Variants in FANCB observed in about 807,000 individuals in gnomAD.
FANCB encodes the protein FA complementation group B, also known as Fanconi anemia group B protein.
FANCB carries 5 observed loss-of-function variants against 38.9 expected under a neutral mutation model. The observed-to-expected ratio is 0.13, with a 90% CI of 0.07 to 0.27. The LOEUF is 0.27. FANCB is among the 10% of genes least tolerant of loss of function. The pLI is 1.00. For synonymous variants in FANCB, 236 were observed against 215.4 expected (o/e 1.10, Z -0.84); for missense variants, 573 against 602.7 (o/e 0.95, Z 0.52).
chrX:14,734,960 C>T, the FANCB span, among the ~76,000 whole-genome samples: 1 of 107,430 alleles, frequency 9.3e-6, no homozygotes, highest in African/African-American at 3.4e-5. Flanking sequence ...CTTTTTGACA[C>T]CCTTTATTTC....
At chrX:14,811,547 A>G in the FANCB span, among the ~76,000 whole-genome samples, 1 of 111,397 alleles carries the variant, frequency 9.0e-6, no homozygotes, top group African/African-American at 3.3e-5. Context: ...CTTTAAACCA[A>G]CAAAGATCAA....
chrX:14,723,366 T>TA, the FANCB span, among the ~76,000 whole-genome samples: 1 of 112,173 alleles, frequency 8.9e-6, no homozygotes, highest in Non-Finnish European at 1.9e-5. Context: ...GCTCTCTACC[T>TA]ATACCACCAC....
intron 9 of FANCB, 145 bp downstream of exon 9, chrX:14,844,358 G>A (rs981316798): frequency 3.0e-5 from 15 of 500,257 alleles, no homozygotes; most frequent in African/African-American, 7.2e-5. Context: ...AAATGAAGCC[G>A]ATGCGTTCAT....
chrX:14,837,752 G>A (rs766264901), intron 10 of FANCB, among the ~76,000 whole-genome samples: 3 of 112,542 alleles, frequency 2.7e-5, no homozygotes, highest in South Asian at 7.3e-4. Context: ...TTTATACACA[G>A]AATAGCATAG....
intron 6 of FANCB, among the ~76,000 whole-genome samples, chrX:14,852,316 G>A (rs1029762474): frequency 1.8e-4 from 20 of 109,561 alleles, no homozygotes; most frequent in African/African-American, 2.7e-4. Flanking sequence ...TTACAGGCAC[G>A]AGCCACCATG....
the FANCB span, among the ~76,000 whole-genome samples, chrX:14,750,825 A>G: frequency 9.1e-6 from 1 of 110,091 alleles, no homozygotes; most frequent in East Asian, 2.8e-4. Context: ...TCCTTAAATC[A>G]TATGAAAATA....
chrX:14,816,549 G>A, the FANCB span, among the ~76,000 whole-genome samples: 3 of 111,828 alleles, frequency 2.7e-5, no homozygotes, highest in Non-Finnish European at 3.8e-5. Flanking sequence ...TCTCAACCTC[G>A]ACATTATTGA....
chrX:14,771,824 G>T, the FANCB span, among the ~76,000 whole-genome samples: 9 of 111,606 alleles, frequency 8.1e-5, no homozygotes, highest in Non-Finnish European at 1.3e-4. Context: ...TTTTTTGTGA[G>T]GTATTTTTTG....
the FANCB span, among the ~76,000 whole-genome samples, chrX:14,709,803 G>A: frequency 8.9e-6 from 1 of 111,872 alleles, no homozygotes; most frequent in East Asian, 2.8e-4. Flanking sequence ...AGAAGCAATA[G>A]GAAAGTGCCT....
At chrX:14,858,070 G>C in intron 4 of FANCB, 116 bp from the exon 5 acceptor site, 2 of 516,887 alleles carry the variant, frequency 3.9e-6, no homozygotes, top group South Asian at 6.0e-5. Flanking sequence ...TTTCCCTAGT[G>C]TGTATAAAAT....
At chrX:14,742,762 C>A in the FANCB span, among the ~76,000 whole-genome samples, 1 of 112,363 alleles carries the variant, frequency 8.9e-6, no homozygotes, top group Non-Finnish European at 1.9e-5. Flanking sequence ...TAGAGACAGT[C>A]TGGACAAACT....
the FANCB span, chrX:14,690,702 T>C: frequency 2.6e-6 from 3 of 1,139,830 alleles, no homozygotes; most frequent in African/African-American, 5.4e-5. Flanking sequence ...TCTCTCTCTC[T>C]CTCTCAGGTC....
chrX:14,834,160 A>G (rs2092334925), downstream of FANCB, among the ~76,000 whole-genome samples: 1 of 111,380 alleles, frequency 9.0e-6, no homozygotes, highest in Non-Finnish European at 1.9e-5. Flanking sequence ...TTTTTTTTTT[A>G]ATTAAAATAC....
At chrX:14,828,124 G>C in the FANCB span, among the ~76,000 whole-genome samples, 1 of 111,916 alleles carries the variant, frequency 8.9e-6, no homozygotes, top group Non-Finnish European at 1.9e-5. Flanking sequence ...TCCTAAAAAA[G>C]GCTAACCATC....
the FANCB span, among the ~76,000 whole-genome samples, chrX:14,786,167 G>C: frequency 9.0e-6 from 1 of 111,038 alleles, no homozygotes; most frequent in African/African-American, 3.3e-5. Context: ...GCTTTCTCTG[G>C]GGAAATCAGG....
At chrX:14,823,515 AT>A in the FANCB span, among the ~76,000 whole-genome samples, 1 of 112,007 alleles carries the variant, frequency 8.9e-6, no homozygotes, top group Non-Finnish European at 1.9e-5. Flanking sequence ...GTCCCTTTTC[AT>A]TTAATGTAAT....
rs374583528 is a variant in FANCB at position 14,866,537 on chromosome X, G to A, written c.-70-957C>T. The stretch of plus-strand genomic sequence containing the variant: ...GGAAAAGGGGCCTTCTGACTCTGGA[G>A]TCTACACTTTTAACTACCACTCTGC... On this transcript the variant is annotated intron_variant, in intron 2 of 9. Transcript: ENST00000650831. 7.2e-5 allele frequency among the ~76,000 whole-genome samples: 8 copies of A among 111,421 alleles called. No homozygotes were observed. In the East Asian group the frequency reaches 1.7e-3, roughly 23 times the overall value.
downstream of FANCB, among the ~76,000 whole-genome samples, chrX:14,840,899 C>T (rs2092353238): frequency 9.0e-6 from 1 of 111,691 alleles, no homozygotes; most frequent in South Asian, 3.7e-4. Context: ...TAATTTACTG[C>T]CCTTACTAAA....
the FANCB span, among the ~76,000 whole-genome samples, chrX:14,771,808 A>C: frequency 1.8e-5 from 2 of 111,391 alleles, no homozygotes; most frequent in African/African-American, 6.6e-5. Flanking sequence ...CTGACCTTTG[A>C]ATGAGTTTTT....
Sources: gnomAD v4.1 joint callset for allele counts (sites outside exome capture counted in the v4.1 genomes callset) on GRCh38, gnomAD v4.1.1 for gene constraint, MANE v1.5 for transcripts, NCBI Gene and HGNC (gene_info 2026-07-23, HGNC 2026-07-21) for gene names.